The following DNAJC5B variants were observed in gnomAD, a reference collection of about 807,000 sequenced individuals.
DNAJC5B encodes the protein dnaJ homolog subfamily C member 5B.
DNAJC5B carries 23 observed loss-of-function variants against 24.7 expected under a neutral mutation model. The observed-to-expected ratio is 0.93, with a 90% CI of 0.67 to 1.32. The LOEUF (loss-of-function observed/expected upper bound fraction) is 1.32. DNAJC5B is among the 40% of genes most tolerant of loss of function. The pLI, the probability that DNAJC5B is intolerant of heterozygous loss-of-function variation, is 0.00. For synonymous variants in DNAJC5B, 101 were observed against 90.1 expected (o/e 1.12, Z -0.68); for missense variants, 238 against 240.8 (o/e 0.99, Z 0.08).
intron 5 of DNAJC5B, among the ~76,000 whole-genome samples, chr8:66,098,679 T>C (rs1009038922): frequency 1.6e-4 from 25 of 152,088 alleles, no homozygotes; most frequent in African/African-American, 5.8e-4. Flanking sequence ...TTATATTTTC[T>C]CTTTGTCTCT....
At chr8:66,068,980 C>T (rs1183734711) in intron 3 of DNAJC5B, among the ~76,000 whole-genome samples, 1 of 151,952 alleles carries the variant, frequency 6.6e-6, no homozygotes, top group Non-Finnish European at 1.5e-5. Flanking sequence ...ATTCTACATC[C>T]AGGGAAATTT....
At chr8:66,016,991 T>G (rs1200186285), upstream of DNAJC5B, among the ~76,000 whole-genome samples, 2 of 142,598 alleles carry the variant, frequency 1.4e-5, no homozygotes, top group African/African-American at 5.3e-5. Context: ...TCAAATATAA[T>G]TTTTTTTTTT....
At chr8:66,016,697 C>T (rs1398198105), upstream of DNAJC5B, among the ~76,000 whole-genome samples, 9 of 152,158 alleles carry the variant, frequency 5.9e-5, no homozygotes, top group Admixed American at 5.2e-4. Flanking sequence ...ACTCTCAGGC[C>T]ACAGCAGAGA....
Position 66,070,616 on chromosome 8 carries a change from C to T in DNAJC5B, c.120-6044C>T, listed in dbSNP as rs180781780. On this transcript the variant is annotated intron_variant, in intron 3 of 5. Transcript: ENST00000276570. ...GGAAGAATCAATATTGTGAAAATGGCCATACTGCCCAAAGTAATTTATAGA... is the reference window on the plus strand; with the variant it reads ...GGAAGAATCAATATTGTGAAAATGGTCATACTGCCCAAAGTAATTTATAGA... 7.2e-5 allele frequency among the ~76,000 whole-genome samples: 11 copies of T among 152,280 alleles called. No homozygotes were observed. In the East Asian group the frequency reaches 2.1e-3, roughly 29 times the overall value.
At chr8:66,029,032 C>A (rs1383942426) in intron 1 of DNAJC5B, among the ~76,000 whole-genome samples, 1 of 152,166 alleles carries the variant, frequency 6.6e-6, no homozygotes, top group African/African-American at 2.4e-5. Context: ...TTGCCCAATA[C>A]TTTTCTTGCC....
At position 66,076,854 on chromosome 8, in the gene DNAJC5B, T is replaced by C. The variant is rs755593130; in HGVS notation, c.314T>C (p.Leu105Pro). The C allele has an allele frequency of 6.2e-7, 1 of 1,614,140 alleles. No homozygotes were observed. The highest frequency in any genetic ancestry group is 1.7e-5 in the Admixed American group (1 of 60,004). The change falls in exon 4 of 6, where the codon CTG (leucine) becomes CCG (proline). Residue 105 changes from leucine (L) to proline (P), a missense_variant. Physicochemically the swap from Leu to Pro is moderately conservative, Grantham distance 98. Coordinates refer to ENST00000276570, the MANE Select transcript of DNAJC5B (RefSeq NM_033105.6). ...GAAAACGTTAACACCTACTTCATGC[T>C]GTCGAGCTGGTGGGCAAAGGTGAAA... ...GDENVNTYFM[L>P]SSWWAKALFV...
At chr8:66,076,268 A>C (rs528607738) in intron 3 of DNAJC5B, among the ~76,000 whole-genome samples, 4 of 152,190 alleles carry the variant, frequency 2.6e-5, no homozygotes, top group African/African-American at 9.7e-5. Context: ...ATTCTGGAAA[A>C]TTCTTCTGGT....
At chr8:66,091,484 C>T (rs1299245202) in intron 5 of DNAJC5B, among the ~76,000 whole-genome samples, 1 of 152,102 alleles carries the variant, frequency 6.6e-6, no homozygotes, top group African/African-American at 2.4e-5. Flanking sequence ...ACAGCCTCTC[C>T]CCATATTCTT....
chr8:66,091,863 A>G (rs1007495834), intron 5 of DNAJC5B, among the ~76,000 whole-genome samples: 1 of 152,214 alleles, frequency 6.6e-6, no homozygotes, highest in Non-Finnish European at 1.5e-5. Context: ...TGTGGATGCT[A>G]CAATATGGAT....
chr8:66,023,059 T>G (rs1284354178), intron 1 of DNAJC5B, among the ~76,000 whole-genome samples: 2 of 152,232 alleles, frequency 1.3e-5, no homozygotes, highest in African/African-American at 2.4e-5. Flanking sequence ...TGTCGCATAC[T>G]GCAGAATTTT....
chr8:66,028,395 G>C (rs970237508), intron 1 of DNAJC5B, among the ~76,000 whole-genome samples: 1 of 152,158 alleles, frequency 6.6e-6, no homozygotes, highest in African/African-American at 2.4e-5. Flanking sequence ...AGAATAAAAT[G>C]AACTCTAACA....
intron 1 of DNAJC5B, among the ~76,000 whole-genome samples, chr8:66,031,861 G>A (rs1463611356): frequency 6.6e-6 from 1 of 152,174 alleles, no homozygotes; most frequent in Non-Finnish European, 1.5e-5. Context: ...CACCCACGCA[G>A]ACACACCCAG....
chr8:66,072,913 T>C (rs948410518), intron 3 of DNAJC5B, among the ~76,000 whole-genome samples: 8 of 152,158 alleles, frequency 5.3e-5, no homozygotes, highest in East Asian at 1.9e-4. Context: ...ATATCTCCTC[T>C]ATAGGTGCAG....
chr8:66,096,210 T>A (rs895215163), intron 5 of DNAJC5B, among the ~76,000 whole-genome samples: 5 of 152,128 alleles, frequency 3.3e-5, no homozygotes, highest in Non-Finnish European at 5.9e-5. Flanking sequence ...TCACATGGTG[T>A]TTCCTCTGTG....
At chr8:66,029,058 A>G (rs572925465) in intron 1 of DNAJC5B, among the ~76,000 whole-genome samples, 4 of 152,142 alleles carry the variant, frequency 2.6e-5, no homozygotes, top group Non-Finnish European at 5.9e-5. Context: ...GGTCTTGCTC[A>G]TGCAATTTCT....
intron 3 of DNAJC5B, among the ~76,000 whole-genome samples, chr8:66,066,121 T>A (rs1807187132): frequency 6.6e-6 from 1 of 152,150 alleles, no homozygotes; most frequent in African/African-American, 2.4e-5. Flanking sequence ...AACAAACATA[T>A]TTAAAAATGC....
chr8:66,034,710 C>G (rs930926918), intron 1 of DNAJC5B, among the ~76,000 whole-genome samples: 5 of 151,288 alleles, frequency 3.3e-5, no homozygotes, highest in African/African-American at 1.2e-4. Context: ...AAGCTGAGTG[C>G]CAGGGTCATC....
chr8:66,019,347 A>G (rs758035158), upstream of DNAJC5B, among the ~76,000 whole-genome samples: 3 of 152,232 alleles, frequency 2.0e-5, no homozygotes, highest in Non-Finnish European at 4.4e-5. Flanking sequence ...CACACACTGC[A>G]TATCTTTTTT....
chr8:66,020,853 G>A (rs1288877766), upstream of DNAJC5B, among the ~76,000 whole-genome samples: 1 of 152,092 alleles, frequency 6.6e-6, no homozygotes, highest in East Asian at 1.9e-4. Flanking sequence ...GCTCGGGCTG[G>A]TCTCAAACTC....
Sources: gnomAD v4.1 joint callset for allele counts (sites outside exome capture counted in the v4.1 genomes callset) on GRCh38, gnomAD v4.1.1 for gene constraint, MANE v1.5 for transcripts, NCBI Gene and HGNC (gene_info 2026-07-23, HGNC 2026-07-21) for gene names.